KCNH7: variants seen among roughly 807,000 people sequenced by gnomAD.
KCNH7 encodes the protein potassium voltage-gated channel subfamily H member 7, also known as voltage-gated inwardly rectifying potassium channel KCNH7.
Under a neutral mutation model 120.8 loss-of-function variants are expected in KCNH7, and 49 were observed. The observed-to-expected ratio is 0.41, with a 90% confidence interval of 0.32 to 0.51. The LOEUF (loss-of-function observed/expected upper bound fraction) is 0.51. KCNH7 is among the 20% of genes least tolerant of loss of function. The probability of loss-of-function intolerance (pLI) is 0.38; values close to 1 mark genes in which losing one functional copy is unlikely to be tolerated. For missense variants in KCNH7, 1,097 were observed against 1,446.6 expected, an observed-to-expected ratio of 0.76 and a Z score of 3.92; for synonymous variants, 547 against 516.1, an observed-to-expected ratio of 1.06 and a Z score of -0.81.
chr2:162,584,385 C>T (rs1477105598), intron 2 of KCNH7, among the ~76,000 whole-genome samples: 1 of 152,098 alleles, frequency 6.6e-6, no homozygotes, highest in East Asian at 1.9e-4. Flanking sequence ...AGAATATGTC[C>T]TTGAACTTTC....
At chr2:162,762,316 C>T (rs1559121110) in intron 2 of KCNH7, among the ~76,000 whole-genome samples, 1 of 151,084 alleles carries the variant, frequency 6.6e-6, no homozygotes, top group East Asian at 2.0e-4. Flanking sequence ...TACATATAGG[C>T]TTTTGTTATA....
intron 11 of KCNH7, among the ~76,000 whole-genome samples, chr2:162,395,808 A>G (rs939933664): frequency 6.6e-6 from 1 of 151,728 alleles, no homozygotes; most frequent in Non-Finnish European, 1.5e-5. Context: ...TAAGCCTCTC[A>G]TGGTACTTGG....
intron 11 of KCNH7, among the ~76,000 whole-genome samples, chr2:162,396,324 A>G (rs1686911190): frequency 6.6e-6 from 1 of 151,806 alleles, no homozygotes; most frequent in Non-Finnish European, 1.5e-5. Flanking sequence ...TTTCATTATT[A>G]TTGTGAAGAC....
intron 12 of KCNH7, among the ~76,000 whole-genome samples, chr2:162,385,699 C>A (rs1046001443): frequency 9.2e-5 from 14 of 151,848 alleles, no homozygotes. Flanking sequence ...CAGTATAATT[C>A]TCCATCTGGT....
chr2:162,482,244 G>A (rs1689953877), intron 6 of KCNH7, among the ~76,000 whole-genome samples: 1 of 152,192 alleles, frequency 6.6e-6, no homozygotes, highest in Admixed American at 6.6e-5. Flanking sequence ...GATGGCAATA[G>A]GTCTAGTCTA....
chr2:162,408,000 G>C (rs1687278804), intron 9 of KCNH7, among the ~76,000 whole-genome samples: 1 of 151,930 alleles, frequency 6.6e-6, no homozygotes, highest in African/African-American at 2.4e-5. Context: ...ACATCATGTG[G>C]GGAATATACA....
intron 2 of KCNH7, among the ~76,000 whole-genome samples, chr2:162,555,020 A>G (rs7595538): frequency 0.24 from 35,762 of 152,124 alleles, 9,419 homozygotes; most frequent in African/African-American, 0.62. Flanking sequence ...ATGTATAAAC[A>G]ACTTCATGTA....
At chr2:162,633,639 T>C (rs562114469) in intron 2 of KCNH7, among the ~76,000 whole-genome samples, 1 of 152,120 alleles carries the variant, frequency 6.6e-6, no homozygotes, top group Non-Finnish European at 1.5e-5. Context: ...CAAATAGAAA[T>C]GGTAAACTGA....
chr2:162,527,535 T>G (rs547438871), intron 3 of KCNH7, among the ~76,000 whole-genome samples: 1 of 151,998 alleles, frequency 6.6e-6, no homozygotes. Flanking sequence ...TTGAGGCAAA[T>G]GTGTATTTTA....
intron 9 of KCNH7, among the ~76,000 whole-genome samples, chr2:162,407,769 A>G (rs371960028): frequency 2.5e-4 from 38 of 152,130 alleles, no homozygotes; most frequent in African/African-American, 9.1e-4. Context: ...ATTCTGTTGG[A>G]TGCTCTACAA....
intron 6 of KCNH7, among the ~76,000 whole-genome samples, chr2:162,483,494 G>A (rs1437412546): frequency 6.6e-6 from 1 of 151,494 alleles, no homozygotes; most frequent in Non-Finnish European, 1.5e-5. Context: ...AATTTTCAGT[G>A]ATAAAAATAA....
At chr2:162,418,940 A>AT (rs141830989) in intron 9 of KCNH7, among the ~76,000 whole-genome samples, 3,323 of 152,026 alleles carry the variant, frequency 0.022, 130 homozygotes, top group African/African-American at 0.077. Context: ...TGATCCTAAG[A>AT]TTTTTTTAGC....
At chr2:162,383,980 C>T (rs1222818613) in intron 13 of KCNH7, among the ~76,000 whole-genome samples, 1 of 151,710 alleles carries the variant, frequency 6.6e-6, no homozygotes, top group Non-Finnish European at 1.5e-5. Context: ...TTACTGGTAC[C>T]ACTTACTAGC....
At chr2:162,780,588 T>A (rs1272838222) in intron 2 of KCNH7, among the ~76,000 whole-genome samples, 2 of 152,188 alleles carry the variant, frequency 1.3e-5, no homozygotes, top group Non-Finnish European at 2.9e-5. Flanking sequence ...AACACAACTT[T>A]TAGACTCTGC....
intron 6 of KCNH7, among the ~76,000 whole-genome samples, chr2:162,495,281 T>A (rs1458770974): frequency 6.6e-6 from 1 of 152,146 alleles, no homozygotes; most frequent in Non-Finnish European, 1.5e-5. Flanking sequence ...TCATACCTTG[T>A]CTAAAGAGTC....
At chr2:162,388,287 G>A (rs1686637569) in intron 12 of KCNH7, among the ~76,000 whole-genome samples, 1 of 151,566 alleles carries the variant, frequency 6.6e-6, no homozygotes, top group African/African-American at 2.4e-5. Flanking sequence ...TCTACAGTAT[G>A]GTAACAATAG....
At chr2:162,405,577 A>G (rs1305700950) in intron 9 of KCNH7, among the ~76,000 whole-genome samples, 1 of 152,006 alleles carries the variant, frequency 6.6e-6, no homozygotes, top group Non-Finnish European at 1.5e-5. Flanking sequence ...AATGGCATAC[A>G]ATTATAATAT....
At chr2:162,673,531 A>G (rs891009895) in intron 2 of KCNH7, among the ~76,000 whole-genome samples, 1 of 152,052 alleles carries the variant, frequency 6.6e-6, no homozygotes, top group Admixed American at 6.6e-5. Context: ...ATAGAATGTG[A>G]AGAAATAGAA....
intron 7 of KCNH7, 84 bp downstream of exon 7, chr2:162,445,934 A>AGCAACTC: frequency 9.4e-7 from 1 of 1,058,778 alleles, no homozygotes; most frequent in Non-Finnish European, 1.3e-6. Context: ...AAGCTTGCAA[A>AGCAACTC]GCAACTCTTC....
Sources: gnomAD v4.1 joint callset for allele counts (sites outside exome capture counted in the v4.1 genomes callset) on GRCh38, gnomAD v4.1.1 for gene constraint, MANE v1.5 for transcripts, NCBI Gene and HGNC (gene_info 2026-07-23, HGNC 2026-07-21) for gene names.